Variants in SGIP1 observed in about 807,000 individuals in gnomAD.
The protein encoded by SGIP1 is SH3GL interacting endocytic adaptor 1.
SGIP1 carries 38 observed loss-of-function variants against 107.5 expected under a neutral mutation model. The ratio of observed to expected loss-of-function variants is 0.35; its 90% CI spans 0.27 to 0.46. The LOEUF is 0.46. Ranked by LOEUF, SGIP1 falls within the 20% of genes least tolerant of loss-of-function variation. The probability of loss-of-function intolerance (pLI) is 1.00; values close to 1 mark genes in which losing one functional copy is unlikely to be tolerated. For synonymous variants in SGIP1, 365 were observed against 366.1 expected (o/e 1.00, Z 0.03); for missense variants, 929 against 1,019.5 (o/e 0.91, Z 1.21).
intron 2 of SGIP1, among the ~76,000 whole-genome samples, chr1:66,630,841 A>G (rs1409329230): frequency 0.044 from 783 of 17,888 alleles, 28 homozygotes; most frequent in African/African-American, 0.19. Context: ...GAAAGAAAGA[A>G]AGAAAGAAAG....
intron 4 of SGIP1, among the ~76,000 whole-genome samples, chr1:66,637,441 GTGTGTGTGTGTGTT>G (rs1478251092): frequency 0.016 from 915 of 56,588 alleles, 9 homozygotes; most frequent in African/African-American, 0.061. Flanking sequence ...TAATAAAGCC[GTGTGTGTGTGTGTT>G]TGTGTGTGTG....
chr1:66,690,071 GTCA>G, intron 16 of SGIP1, 116 bp from the exon 17 acceptor site: 3 of 1,140,298 alleles, frequency 2.6e-6, no homozygotes, highest in Non-Finnish European at 3.8e-6. Flanking sequence ...TAAAAATGGT[GTCA>G]TCTATTCTTC....
chr1:66,628,881 C>A (rs1231123525), intron 2 of SGIP1, among the ~76,000 whole-genome samples: 1 of 152,096 alleles, frequency 6.6e-6, no homozygotes, highest in Non-Finnish European at 1.5e-5. Context: ...AAATTACTTA[C>A]GTGATAGCAA....
At chr1:66,633,137 T>C (rs771898411) in intron 3 of SGIP1, 43 bp downstream of exon 3, 10 of 1,295,942 alleles carry the variant, frequency 7.7e-6, no homozygotes, top group South Asian at 1.2e-5. Context: ...TGTGCTTCAA[T>C]ATATGCTATG....
chr1:66,576,334 A>G (rs2061064521), intron 1 of SGIP1, among the ~76,000 whole-genome samples: 1 of 152,212 alleles, frequency 6.6e-6, no homozygotes. Flanking sequence ...GAGCCCAAGT[A>G]GTTGAACAGT....
intron 1 of SGIP1, among the ~76,000 whole-genome samples, chr1:66,555,607 A>G (rs1437669895): frequency 1.3e-5 from 2 of 152,180 alleles, no homozygotes; most frequent in Non-Finnish European, 2.9e-5. Context: ...AATTCATGTC[A>G]GAATTTTCTA....
intron 1 of SGIP1, among the ~76,000 whole-genome samples, chr1:66,550,015 A>C (rs542415238): frequency 8.5e-5 from 13 of 152,230 alleles, no homozygotes; most frequent in African/African-American, 3.1e-4. Flanking sequence ...CCCTCCCAGT[A>C]TCTTTGAGTT....
chr1:66,667,904 A>G (rs1056535394), intron 9 of SGIP1, among the ~76,000 whole-genome samples: 1 of 152,212 alleles, frequency 6.6e-6, no homozygotes, highest in African/African-American at 2.4e-5. Context: ...AATAAAGAAT[A>G]ATAAAATGAA....
chr1:66,580,593 T>C (rs1042341293), intron 1 of SGIP1, among the ~76,000 whole-genome samples: 1 of 152,180 alleles, frequency 6.6e-6, no homozygotes, highest in Non-Finnish European at 1.5e-5. Flanking sequence ...TGTTACTATG[T>C]CTTTAACACT....
At chr1:66,652,907 A>G (rs914023510) in intron 7 of SGIP1, among the ~76,000 whole-genome samples, 1 of 152,232 alleles carries the variant, frequency 6.6e-6, no homozygotes, top group African/African-American at 2.4e-5. Context: ...AGTAAATTAG[A>G]AGGCAGAGGT....
intron 17 of SGIP1, chr1:66,694,561 A>T: frequency 7.2e-7 from 1 of 1,382,874 alleles, no homozygotes; most frequent in African/African-American, 1.5e-5. Flanking sequence ...CCAAGCCATT[A>T]TCCATCTGAA....
At chr1:66,723,764 G>A (rs897066264) in intron 19 of SGIP1, among the ~76,000 whole-genome samples, 3 of 152,128 alleles carry the variant, frequency 2.0e-5, no homozygotes, top group Non-Finnish European at 4.4e-5. Context: ...TAAACAATGA[G>A]TTCTTACTCT....
At chr1:66,581,274 C>G (rs1376452065) in intron 1 of SGIP1, among the ~76,000 whole-genome samples, 5 of 152,018 alleles carry the variant, frequency 3.3e-5, no homozygotes, top group African/African-American at 1.2e-4. Flanking sequence ...TTTTTAAATT[C>G]TAGCTTGAAA....
At chr1:66,573,940 C>T (rs1458077658) in intron 1 of SGIP1, among the ~76,000 whole-genome samples, 1 of 152,014 alleles carries the variant, frequency 6.6e-6, no homozygotes, top group Admixed American at 6.6e-5. Flanking sequence ...AAAAATAAAG[C>T]TGGTTTATTT....
intron 1 of SGIP1, among the ~76,000 whole-genome samples, chr1:66,585,570 T>TTG (rs113981156): frequency 0.14 from 20,627 of 149,996 alleles, 1,416 homozygotes; most frequent in Admixed American, 0.18. Flanking sequence ...GCTTTGGAGT[T>TTG]TGTGTGTGTG....
At chr1:66,646,125 G>A (rs564018719) in intron 7 of SGIP1, among the ~76,000 whole-genome samples, 21 of 152,276 alleles carry the variant, frequency 1.4e-4, no homozygotes, top group African/African-American at 4.8e-4. Flanking sequence ...ACAGGTGTGA[G>A]CCACCGCACC....
rs189808023 is a variant in SGIP1 at position 66,686,808 on chromosome 1, T to C, written c.1316-2340T>C. On this transcript the variant is annotated intron_variant, in intron 15 of 24. Transcript: ENST00000371037. ...TAAAGGAAAACAATTAACTTTTCAA[T>C]GAACAACGAACTTTTTTTTGACTTG... 2.5e-3 allele frequency among the ~76,000 whole-genome samples: 385 copies of C among 152,378 alleles called. 4 individuals are homozygous for C. The highest frequency in any genetic ancestry group is 1.9e-3 in the Non-Finnish European group (128 of 68,034).
chr1:66,677,189 G>A (rs755231697), intron 13 of SGIP1, 93 bp downstream of exon 13: 1 of 961,366 alleles, frequency 1.0e-6, no homozygotes, highest in Non-Finnish European at 1.6e-6. Flanking sequence ...AAAAGTCTAT[G>A]TAAGCAACAT....
intron 19 of SGIP1, among the ~76,000 whole-genome samples, chr1:66,723,394 C>G (rs2093626956): frequency 6.6e-6 from 1 of 152,138 alleles, no homozygotes. Context: ...AACAGGTATT[C>G]TGACATGTAA....
Sources: allele counts gnomAD v4.1 joint callset (sites outside exome capture counted in the v4.1 genomes callset), GRCh38; gene constraint gnomAD v4.1.1; transcripts MANE v1.5; gene names NCBI Gene and HGNC (gene_info 2026-07-23, HGNC 2026-07-21).